Variants in RNGTT observed in about 807,000 individuals in gnomAD.
RNGTT encodes mRNA-capping enzyme.
A neutral mutation model predicts 79.3 loss-of-function variants in RNGTT; 33 were observed. That is an observed-to-expected ratio of 0.42 (90% CI 0.32 to 0.56). The LOEUF (loss-of-function observed/expected upper bound fraction) is 0.56. Among genes scored for constraint, RNGTT ranks in the 20% least tolerant of loss-of-function variants. RNGTT has a pLI of 0.17. For missense variants in RNGTT, 497 were observed against 739.1 expected (o/e 0.67, Z 3.80); for synonymous variants, 222 against 235.9 (o/e 0.94, Z 0.54).
chr6:88,783,937 C>T lies in RNGTT; in HGVS notation c.1339-14063G>A, dbSNP rs139017638. On this transcript the variant is annotated intron_variant, in intron 12 of 15. Transcript: ENST00000369485. ...TAAACCAGTACCTATTGATCAACTGCTAAGCCTGTGTCAACCTCTGTGCTA... is the reference window on the plus strand; with the variant it reads ...TAAACCAGTACCTATTGATCAACTGTTAAGCCTGTGTCAACCTCTGTGCTA... Among the ~76,000 whole-genome samples, 313 of 152,110 alleles carry T rather than the reference C, an allele frequency of 2.1e-3. No individual in the cohort carries two copies. In the Middle Eastern group the frequency reaches 0.031, roughly 15 times the overall value.
chr6:88,741,269 A>C (rs1297071401), intron 13 of RNGTT, among the ~76,000 whole-genome samples: 5 of 152,202 alleles, frequency 3.3e-5, no homozygotes, highest in Non-Finnish European at 7.3e-5. Flanking sequence ...GCAGCCATAA[A>C]AAAGAAGGAA....
intron 2 of RNGTT, among the ~76,000 whole-genome samples, chr6:88,934,190 C>T (rs941883733): frequency 2.0e-5 from 3 of 152,062 alleles, no homozygotes; most frequent in Admixed American, 6.6e-5. Flanking sequence ...ATACCTCATG[C>T]CTGGCTAATT....
chr6:88,891,787 A>T lies in RNGTT; in HGVS notation c.794+19T>A, dbSNP rs925986419. 5.5e-6 allele frequency: 8 copies of T among 1,462,178 alleles called. No homozygotes were observed. The highest frequency in any genetic ancestry group is 2.5e-5 in the East Asian group (1 of 39,708). 90.6% of individuals were successfully genotyped at this position (1,462,178 alleles called of 1,614,324 possible). ...AAATAAGAGCAAATTTTATTTAAAA[A>T]TTTAAAAATATTTATTACCCTTCCC... On this transcript the variant is annotated intron_variant, in intron 7 of 15. Transcript: ENST00000369485.
intron 13 of RNGTT, among the ~76,000 whole-genome samples, chr6:88,730,885 C>T (rs1309364189): frequency 6.6e-6 from 1 of 152,126 alleles, no homozygotes; most frequent in East Asian, 1.9e-4. Flanking sequence ...AAGTAACCAC[C>T]TCCAGCCCTG....
At chr6:88,958,286 A>G (rs1785500857) in intron 1 of RNGTT, among the ~76,000 whole-genome samples, 1 of 152,234 alleles carries the variant, frequency 6.6e-6, no homozygotes, top group African/African-American at 2.4e-5. Flanking sequence ...TAACATTGGA[A>G]AAAACTCTTC....
At chr6:88,613,614 A>G (rs1489444864) in intron 15 of RNGTT, among the ~76,000 whole-genome samples, 2 of 152,180 alleles carry the variant, frequency 1.3e-5, no homozygotes, top group East Asian at 1.9e-4. Context: ...GCACATTCTA[A>G]AAGTAAAGTT....
intron 13 of RNGTT, among the ~76,000 whole-genome samples, chr6:88,710,474 AT>A (rs541340857): frequency 4.8e-4 from 73 of 152,328 alleles, no homozygotes; most frequent in Middle Eastern, 3.4e-3. Flanking sequence ...TAAAATGGTT[AT>A]TTATTAGACA....
chr6:88,647,599 C>G (rs926595469), intron 14 of RNGTT, among the ~76,000 whole-genome samples: 2 of 151,080 alleles, frequency 1.3e-5, no homozygotes, highest in Admixed American at 6.6e-5. Context: ...GTAGTCCCAG[C>G]TACTCAGGAG....
intron 14 of RNGTT, among the ~76,000 whole-genome samples, chr6:88,635,321 T>C (rs1329241215): frequency 6.6e-6 from 1 of 152,072 alleles, no homozygotes; most frequent in Non-Finnish European, 1.5e-5. Flanking sequence ...CATGTAGCTG[T>C]TATTTGGTTA....
At chr6:88,851,826 C>T (rs1410555241) in intron 9 of RNGTT, among the ~76,000 whole-genome samples, 1 of 150,882 alleles carries the variant, frequency 6.6e-6, no homozygotes, top group Admixed American at 6.7e-5. Flanking sequence ...TAATTCTAGC[C>T]CAAGTAAATT....
chr6:88,820,925 G>A (rs992893813), intron 11 of RNGTT, among the ~76,000 whole-genome samples: 54 of 152,056 alleles, frequency 3.6e-4, no homozygotes, highest in African/African-American at 1.3e-3. Context: ...CAAAATCCCA[G>A]AAAGTTATGT....
At chr6:88,645,586 C>T (rs1335254962) in intron 14 of RNGTT, among the ~76,000 whole-genome samples, 1 of 152,186 alleles carries the variant, frequency 6.6e-6, no homozygotes, top group East Asian at 1.9e-4. Context: ...AGGCATCACG[C>T]TACCTGACTC....
rs891977878 is a variant in RNGTT at position 88,713,587 on chromosome 6, T to C, written c.1440-35168A>G. 3.9e-5 allele frequency among the ~76,000 whole-genome samples: 6 copies of C among 152,206 alleles called. No homozygotes were observed. The South Asian group carries it at 1.2e-3, about 31-fold the overall frequency. ...GTGTCTTATATTGTGTATGTATATA[T>C]AAAGTGCAGATATAGAATATATCTA... On this transcript the variant is annotated intron_variant, in intron 13 of 15. Coordinates refer to ENST00000369485, the MANE Select transcript of RNGTT (RefSeq NM_003800.5).
intron 8 of RNGTT, among the ~76,000 whole-genome samples, chr6:88,869,494 A>T (rs1188165076): frequency 2.0e-5 from 3 of 152,114 alleles, no homozygotes; most frequent in Non-Finnish European, 1.5e-5. Context: ...TGGTTCTTTT[A>T]TAAGTAGAGA....
At chr6:88,792,753 T>C (rs1394056542) in intron 12 of RNGTT, among the ~76,000 whole-genome samples, 1 of 152,008 alleles carries the variant, frequency 6.6e-6, no homozygotes, top group Non-Finnish European at 1.5e-5. Flanking sequence ...AAACTAAAAA[T>C]AGGAAAAAAT....
At chr6:88,929,328 G>T in intron 2 of RNGTT, 61 bp from the exon 3 acceptor site, 1 of 1,059,862 alleles carries the variant, frequency 9.4e-7, no homozygotes, top group South Asian at 1.4e-5. Context: ...TCCCAAATAA[G>T]TAGACTAAAT....
chr6:88,766,499 G>A (rs898788167), intron 13 of RNGTT, among the ~76,000 whole-genome samples: 1 of 151,966 alleles, frequency 6.6e-6, no homozygotes, highest in African/African-American at 2.4e-5. Context: ...AAATTGCTAA[G>A]ATATACAAAA....
chr6:88,672,724 A>C (rs1011325925), intron 14 of RNGTT, among the ~76,000 whole-genome samples: 1 of 152,248 alleles, frequency 6.6e-6, no homozygotes, highest in Non-Finnish European at 1.5e-5. Context: ...TTTCAAAAAA[A>C]GTTGAAATAA....
chr6:88,945,806 GCCTGGCCATAAAACCC>G (rs1164994427), intron 1 of RNGTT, among the ~76,000 whole-genome samples: 1 of 152,144 alleles, frequency 6.6e-6, no homozygotes, highest in East Asian at 1.9e-4. Flanking sequence ...CGACTACCAA[GCCTGGCCATAAAACCC>G]CCTGAGAGAT....
Sources: gnomAD v4.1 joint callset for allele counts (sites outside exome capture counted in the v4.1 genomes callset) on GRCh38, gnomAD v4.1.1 for gene constraint, MANE v1.5 for transcripts, NCBI Gene and HGNC (gene_info 2026-07-23, HGNC 2026-07-21) for gene names.